The following TMEM178B variants were observed in gnomAD, a reference collection of about 807,000 sequenced individuals.
TMEM178B encodes transmembrane protein 178B.
In TMEM178B, 5 loss-of-function variants were observed where a neutral mutation model predicts 31.0. That is an observed-to-expected ratio of 0.16 (90% CI 0.08 to 0.34). TMEM178B has a LOEUF of 0.34. Ranked by LOEUF, TMEM178B falls within the 10% of genes least tolerant of loss-of-function variation. The probability of loss-of-function intolerance (pLI) is 1.00; values close to 1 mark genes in which losing one functional copy is unlikely to be tolerated. For missense variants in TMEM178B, 275 were observed against 400.3 expected, an observed-to-expected ratio of 0.69 and a Z score of 2.67; for synonymous variants, 164 against 164.0, an observed-to-expected ratio of 1.00 and a Z score of 0.00.
intron 1 of TMEM178B, among the ~76,000 whole-genome samples, chr7:141,141,834 A>G (rs1795774051): frequency 6.6e-6 from 1 of 152,260 alleles, no homozygotes; most frequent in Non-Finnish European, 1.5e-5. Context: ...AGCTGAATGT[A>G]TGAAATTGAG....
intron 1 of TMEM178B, among the ~76,000 whole-genome samples, chr7:141,109,605 G>T (rs1211124310): frequency 6.6e-6 from 1 of 152,192 alleles, no homozygotes; most frequent in Non-Finnish European, 1.5e-5. Context: ...GGGGGACTGT[G>T]TCTTTCTCCT....
intron 2 of TMEM178B, among the ~76,000 whole-genome samples, chr7:141,284,837 G>A (rs76043828): frequency 0.012 from 1,870 of 152,236 alleles, 10 homozygotes; most frequent in Middle Eastern, 0.024. Flanking sequence ...GATATCAAGG[G>A]TTATTGGAAA....
chr7:141,346,616 C>CCA (rs1799624478), intron 2 of TMEM178B, among the ~76,000 whole-genome samples: 1 of 152,100 alleles, frequency 6.6e-6, no homozygotes, highest in South Asian at 2.1e-4. Context: ...CATACACACT[C>CCA]CACACACACT....
intron 1 of TMEM178B, among the ~76,000 whole-genome samples, chr7:141,196,763 T>A (rs1456072450): frequency 6.6e-6 from 1 of 152,016 alleles, no homozygotes; most frequent in Non-Finnish European, 1.5e-5. Flanking sequence ...CTCGTGCATG[T>A]GTGGAGGAGA....
the TMEM178B span, among the ~76,000 whole-genome samples, chr7:141,496,284 C>A: frequency 3.3e-5 from 5 of 152,184 alleles, no homozygotes; most frequent in African/African-American, 9.7e-5. Flanking sequence ...AGCTCTTGAA[C>A]TTTTCCCCTT....
intron 1 of TMEM178B, among the ~76,000 whole-genome samples, chr7:141,196,110 A>G (rs1025740983): frequency 6.6e-6 from 1 of 152,054 alleles, no homozygotes; most frequent in African/African-American, 2.4e-5. Context: ...TGCTTTTAAT[A>G]TTATATTTTG....
intron 2 of TMEM178B, among the ~76,000 whole-genome samples, chr7:141,308,582 G>A (rs1798856489): frequency 1.3e-5 from 2 of 152,100 alleles, no homozygotes; most frequent in South Asian, 4.1e-4. Flanking sequence ...TTTTTCTGTA[G>A]AACCCCAATA....
intron 1 of TMEM178B, among the ~76,000 whole-genome samples, chr7:141,151,596 G>C (rs1367028555): frequency 6.6e-6 from 1 of 152,140 alleles, no homozygotes; most frequent in African/African-American, 2.4e-5. Flanking sequence ...AATTAGCATC[G>C]GGAGGATTGA....
At position 141,400,870 on chromosome 7, in the gene TMEM178B, G is replaced by A. The variant is rs532838788; in HGVS notation, c.497-36738G>A. On this transcript the variant is annotated intron_variant, in intron 2 of 3. Transcript: ENST00000565468. ...AGGACATGGTGTGTCACCATCACCC[G>A]TCTGGCTTGTCTTCTCTGCCCCCCA... is the stretch of plus-strand genomic sequence containing the variant. Among the ~76,000 whole-genome samples, 17 of 152,326 alleles carry A rather than the reference G, an allele frequency of 1.1e-4. No individual in the cohort carries two copies. The South Asian group carries it at 1.5e-3, about 13-fold the overall frequency.
At chr7:141,217,899 C>T (rs772406938) in intron 2 of TMEM178B, among the ~76,000 whole-genome samples, 1 of 152,134 alleles carries the variant, frequency 6.6e-6, no homozygotes, top group Non-Finnish European at 1.5e-5. Context: ...ATCAGATGCT[C>T]TCTGCTATCT....
In TMEM178B at chr7:141,167,309, A is replaced by G. The variant is rs373384466; in HGVS notation, c.383-45282A>G. 1.9e-4 allele frequency among the ~76,000 whole-genome samples: 29 copies of G among 152,286 alleles called. No individual in the cohort carries two copies. The East Asian group carries it at 3.3e-3, about 17-fold the overall frequency. ...GCGTCTGTTACCCCAAATGCCCCTCACTGTCATTTGTCTCTCTGTATGACT... is the reference window on the plus strand; with the variant it reads ...GCGTCTGTTACCCCAAATGCCCCTCGCTGTCATTTGTCTCTCTGTATGACT... On this transcript the variant is annotated intron_variant, in intron 1 of 3. Transcript: ENST00000565468.
At chr7:141,180,437 G>A (rs1309005440) in intron 1 of TMEM178B, among the ~76,000 whole-genome samples, 2 of 128,302 alleles carry the variant, frequency 1.6e-5, no homozygotes, top group East Asian at 2.3e-4. Context: ...TCTCCAGCCT[G>A]AGAGAGACAG....
In TMEM178B at chr7:141,115,002, G is replaced by A. The variant is rs114212245; in HGVS notation, c.382+40310G>A. 2.1e-3 allele frequency among the ~76,000 whole-genome samples: 321 copies of A among 152,138 alleles called. 1 individual carries two copies. Among genetic ancestry groups the A allele is most frequent in the African/African-American group, 5.9e-3 (246 of 41,528 alleles). The stretch of plus-strand genomic sequence containing the variant: ...GTACATGGAGCTTGTGGACTAGATT[G>A]ATCCCAAGAAGGTCAGTTAGGATCT... On this transcript the variant is annotated intron_variant, in intron 1 of 3. Transcript: ENST00000565468.
intron 1 of TMEM178B, among the ~76,000 whole-genome samples, chr7:141,162,849 AT>A (rs1193296700): frequency 6.6e-6 from 1 of 152,212 alleles, no homozygotes; most frequent in Non-Finnish European, 1.5e-5. Context: ...CAAAGGATTG[AT>A]TGTGCATGTG....
At position 141,215,789 on chromosome 7, in the gene TMEM178B, T is replaced by C. The variant is rs866399842; in HGVS notation, c.496+3085T>C. Among the ~76,000 whole-genome samples the C allele has an allele frequency of 2.8e-3, 171 of 61,072 alleles. 2 individuals are homozygous for C. The East Asian group carries it at 0.042, about 15-fold the overall frequency. 40.1% of individuals were successfully genotyped at this position (61,072 alleles called of 152,430 possible). A position where few individuals can be genotyped will look rare whatever the true frequency, so the allele number is the denominator to read the frequency against. ...AATTATATACTTTCCTTTCTTTCTT[T>C]CTTTCTTTCTTTCTTTCTTTCTTTC... On this transcript the variant is annotated intron_variant, in intron 2 of 3. Transcript: ENST00000565468.
chr7:141,383,631 G>A (rs1348971525), intron 2 of TMEM178B, among the ~76,000 whole-genome samples: 3 of 152,106 alleles, frequency 2.0e-5, no homozygotes, highest in Non-Finnish European at 2.9e-5. Flanking sequence ...ATGGACATTT[G>A]GGTTGGTTCC....
At chr7:141,207,336 A>G (rs756215245) in intron 1 of TMEM178B, among the ~76,000 whole-genome samples, 1 of 152,202 alleles carries the variant, frequency 6.6e-6, no homozygotes, top group Non-Finnish European at 1.5e-5. Flanking sequence ...TTGCTGGATC[A>G]TTCGTAATTT....
chr7:141,256,587 A>G (rs1213817696), intron 2 of TMEM178B, among the ~76,000 whole-genome samples: 1 of 152,168 alleles, frequency 6.6e-6, no homozygotes, highest in Non-Finnish European at 1.5e-5. Context: ...ATGTTTTCCA[A>G]GTGTGATGGA....
intron 1 of TMEM178B, among the ~76,000 whole-genome samples, chr7:141,189,009 G>T (rs562105840): frequency 6.6e-6 from 1 of 152,360 alleles, no homozygotes; most frequent in South Asian, 2.1e-4. Flanking sequence ...AACCGAGGAG[G>T]TCACAGTGTC....
Sources: gnomAD v4.1 joint callset for allele counts (sites outside exome capture counted in the v4.1 genomes callset) on GRCh38, gnomAD v4.1.1 for gene constraint, MANE v1.5 for transcripts, NCBI Gene and HGNC (gene_info 2026-07-23, HGNC 2026-07-21) for gene names.